CCT8: variants seen among roughly 807,000 people sequenced by gnomAD.
CCT8 encodes chaperonin containing TCP1 subunit 8, also known as T-complex protein 1 subunit theta.
A neutral mutation model predicts 65.7 loss-of-function variants in CCT8; 10 were observed. The observed-to-expected ratio is 0.15, with a 90% confidence interval of 0.09 to 0.26. The LOEUF (loss-of-function observed/expected upper bound fraction) is 0.26, where lower values mean the gene tolerates loss of function less well. CCT8 is among the 10% of genes least tolerant of loss of function. The probability of loss-of-function intolerance (pLI) is 1.00; values close to 1 mark genes in which losing one functional copy is unlikely to be tolerated. For synonymous variants in CCT8, 199 were observed against 221.8 expected, an observed-to-expected ratio of 0.90 and a Z score of 0.92; for missense variants, 568 against 669.1, an observed-to-expected ratio of 0.85 and a Z score of 1.67.
rs200313570 is a variant in CCT8, at chr21:29,071,989, CTGT to C, written c.60+1539_60+1541del. ...CTTTGGTAAGCTTCAGCCCTACAAC[CTGT>C]TGTTGTTGTTGTTGTTTTAAAAAAA... On this transcript the variant is annotated intron_variant, in intron 1 of 14. Coordinates refer to ENST00000286788, the MANE Select transcript of CCT8 (RefSeq NM_006585.4). 5,422 of 696,428 alleles carry C rather than the reference CTGT, an allele frequency of 7.8e-3. 16 individuals carry two copies. The highest frequency in any genetic ancestry group is 0.012 in the Non-Finnish European group (4,484 of 382,320). The allele number at this position is 696,428 out of a possible 1,614,324, so 43.1% of individuals were successfully genotyped here.
rs1480243375 is a variant in CCT8 at position 29,064,851 on chromosome 21, T to G, written c.762+117A>C. The stretch of plus-strand genomic sequence containing the variant: ...AGACTATAAATCTGGCATAAAAAAA[T>G]AGGTAAGATCCTGCAATGTTCAGTT... On this transcript the variant is annotated intron_variant, in intron 7 of 14. Coordinates refer to ENST00000286788, the MANE Select transcript of CCT8 (RefSeq NM_006585.4). The G allele has an allele frequency of 1.0e-5, 8 of 791,142 alleles. No individual in the cohort carries two copies. The Admixed American group carries it at 2.0e-4, about 19-fold the overall frequency. The allele number at this position is 791,142 out of a possible 1,614,324, so 49.0% of individuals were successfully genotyped here.
chr21:29,070,793 G>A (rs995779693), intron 1 of CCT8, among the ~76,000 whole-genome samples: 1 of 152,170 alleles, frequency 6.6e-6, no homozygotes, highest in African/African-American at 2.4e-5. Flanking sequence ...GAAAGGGTAT[G>A]AGGTACTTCA....
At chr21:29,067,932 C>T (rs1437532019) in intron 3 of CCT8, among the ~76,000 whole-genome samples, 1 of 152,196 alleles carries the variant, frequency 6.6e-6, no homozygotes, top group Non-Finnish European at 1.5e-5. Flanking sequence ...TTTCAAAGTG[C>T]ATCCTCTTTT....
intron 1 of CCT8, chr21:29,073,272 A>C: frequency 7.6e-7 from 1 of 1,307,890 alleles, no homozygotes; most frequent in Non-Finnish European, 9.8e-7. Flanking sequence ...GCGGCTTCAC[A>C]TCCGTCCACC....
rs147651768 is a variant in CCT8 at position 29,063,489 on chromosome 21, A to G, written c.804T>C (p.Phe268=). Reference sequence around the variant, plus strand: ...CCATGAGGTTTTCTTCTCCCTTACTAAAATTCATCAATTCTTCAGCAGTCT... The same window carrying G: ...CCATGAGGTTTTCTTCTCCCTTACTGAAATTCATCAATTCTTCAGCAGTCT... The part of the protein sequence containing the change: ...LIKTAEELMN[F]SKGEENLMDA... Residue 268 remains phenylalanine (F), a synonymous_variant, in exon 8 of 15, where the codon TTT becomes TTC. Transcript: ENST00000286788. The G allele has an allele frequency of 8.3e-5, 134 of 1,613,878 alleles. No individual in the cohort carries two copies. Among genetic ancestry groups the G allele is most frequent in the Non-Finnish European group, 1.0e-4 (120 of 1,180,020 alleles).
At chr21:29,057,553 G>T (rs1336490938) in intron 14 of CCT8, among the ~76,000 whole-genome samples, 1 of 89,946 alleles carries the variant, frequency 1.1e-5, no homozygotes, top group African/African-American at 3.0e-5. Context: ...AAGGTTTGAG[G>T]CCAGGAGTTT....
At chr21:29,071,961 T>A (rs1246257798) in intron 1 of CCT8, 1 of 702,348 alleles carries the variant, frequency 1.4e-6, no homozygotes. Context: ...CCATTCTTCC[T>A]TTCTTTGGTA....
intron 13 of CCT8, 123 bp from the exon 14 acceptor site, chr21:29,060,783 T>A (rs2085554461): frequency 1.0e-6 from 1 of 1,001,698 alleles, no homozygotes; most frequent in African/African-American, 1.6e-5. Flanking sequence ...AGTCCTACCT[T>A]ATAGAGTCAT....
At chr21:29,058,553 T>C (rs774858339) in intron 14 of CCT8, among the ~76,000 whole-genome samples, 7 of 152,042 alleles carry the variant, frequency 4.6e-5, no homozygotes, top group African/African-American at 7.2e-5. Context: ...ATTTCTGATA[T>C]TGGTGGGTCT....
chr21:29,069,698 T>G (rs1024969365), intron 2 of CCT8, among the ~76,000 whole-genome samples, 196 bp from the exon 3 acceptor site: 1 of 152,214 alleles, frequency 6.6e-6, no homozygotes, highest in East Asian at 1.9e-4. Flanking sequence ...ACCCATATTC[T>G]TTCTTCCCTT....
intron 14 of CCT8, chr21:29,060,188 A>G (rs1052886772): frequency 6.3e-6 from 1 of 159,184 alleles, no homozygotes; most frequent in African/African-American, 2.4e-5. Context: ...TTCAATGCCC[A>G]GTCCTCTTAT....
chr21:29,065,058 C>T lies in CCT8; in HGVS notation c.672G>A (p.Lys224=), dbSNP rs1385082382. 6.2e-7 allele frequency: 1 copy of T among 1,614,060 alleles called. No homozygotes were observed. ...ATGTTACATCACCTTCGGTTTCCTT[C>T]TTAAAAACCATGCCATGCAATACTG... ...SSSVLHGMVF[K]KETEGDVTSV... Residue 224 remains lysine (K), a synonymous_variant, in exon 7 of 15, where the codon AAG becomes AAA. Transcript: ENST00000286788.
intron 14 of CCT8, chr21:29,059,276 T>C (rs2085537318): frequency 6.6e-6 from 1 of 152,254 alleles, no homozygotes; most frequent in African/African-American, 2.4e-5. Context: ...ATACACTATA[T>C]ACACAAACTG....
chr21:29,071,851 C>T, intron 1 of CCT8: 1 of 681,686 alleles, frequency 1.5e-6, no homozygotes, highest in Non-Finnish European at 2.7e-6. Context: ...TAAGACCCTT[C>T]AATGGTTTCC....
Position 29,056,457 on chromosome 21 carries a change from G to A in CCT8, c.*18C>T, listed in dbSNP as rs371509519. 1.9e-5 allele frequency: 28 copies of A among 1,447,528 alleles called. No individual in the cohort carries two copies. The highest frequency in any genetic ancestry group is 2.6e-5 in the Non-Finnish European group (28 of 1,074,706). The allele number at this position is 1,447,528 out of a possible 1,614,324, so 89.7% of individuals were successfully genotyped here. ...ACTACAAATACAGCCTTCACCTACA[G>A]TAAAAATTAAGCCAATTTCAATCAT... is the stretch of plus-strand genomic sequence containing the variant. On this transcript the variant is annotated 3_prime_UTR_variant, in exon 15 of 15. Coordinates refer to ENST00000286788, the MANE Select transcript of CCT8 (RefSeq NM_006585.4).
intron 11 of CCT8, 82 bp downstream of exon 11, chr21:29,062,046 G>A (rs577332900): frequency 2.0e-5 from 18 of 901,698 alleles, no homozygotes; most frequent in Middle Eastern, 3.4e-4. Context: ...CTCATGATGT[G>A]CAAGAGTCTG....
At position 29,056,518 on chromosome 21, in the gene CCT8, G is replaced by A; in HGVS notation, c.1604C>T (p.Pro535Leu). The stretch of plus-strand genomic sequence containing the variant: ...ATCCCAGTCTTTCTTCCCACTTGGA[G>A]GCTTGGGCCCACCAGCTGGTTTTGC... ...IMAKPAGGPK[P>L]PSGKKDWDDD... Residue 535 changes from proline to leucine, a missense_variant, in exon 15 of 15, where the codon CCT (proline) becomes CTT (leucine). Coordinates refer to ENST00000286788, the MANE Select transcript of CCT8 (RefSeq NM_006585.4). The A allele has an allele frequency of 6.4e-7, 1 of 1,553,028 alleles. No individual in the cohort carries two copies. The highest frequency in any genetic ancestry group is 8.7e-7 in the Non-Finnish European group (1 of 1,149,280).
chr21:29,063,453 G>A lies in CCT8; in HGVS notation c.840C>T (p.Val280=). The change falls in exon 8 of 15, where the codon GTC becomes GTT. Residue 280 remains valine (V), a synonymous_variant. Transcript: ENST00000286788. ...KGEENLMDAQ[V]KAIADTGANV... ...TTGCACCAGTATCAGCAATAGCTTT[G>A]ACTTGTGCATCCATGAGGTTTTCTT... is the stretch of plus-strand genomic sequence containing the variant. 1.2e-6 allele frequency: 2 copies of A among 1,613,848 alleles called. No homozygotes were observed. The highest frequency in any genetic ancestry group is 4.5e-5 in the East Asian group (2 of 44,874).
intron 6 of CCT8, 29 bp from the exon 7 acceptor site, chr21:29,065,134 C>T (rs779768213): frequency 1.2e-6 from 2 of 1,607,212 alleles, no homozygotes; most frequent in Admixed American, 1.7e-5. Context: ...AACTCATCAG[C>T]AATCTCCTGA....
Sources: allele counts gnomAD v4.1 joint callset (sites outside exome capture counted in the v4.1 genomes callset), GRCh38; gene constraint gnomAD v4.1.1; transcripts MANE v1.5; gene names NCBI Gene and HGNC (gene_info 2026-07-23, HGNC 2026-07-21).